The following ALKAL1 variants were observed in gnomAD, a reference collection of about 807,000 sequenced individuals.
ALKAL1 encodes the protein AUG-beta.
ALKAL1 carries 23 observed loss-of-function variants against 13.5 expected under a neutral mutation model. That is an observed-to-expected ratio of 1.70 (90% confidence interval 1.23 to 2.41). ALKAL1 has a LOEUF of 2.41. Ranked by LOEUF, ALKAL1 falls within the 30% of genes most tolerant of loss-of-function variation. The pLI is 0.00. For missense variants in ALKAL1, 181 were observed against 178.4 expected, an observed-to-expected ratio of 1.01 and a Z score of -0.08; for synonymous variants, 85 against 77.7, an observed-to-expected ratio of 1.09 and a Z score of -0.49.
intron 1 of ALKAL1, among the ~76,000 whole-genome samples, chr8:52,546,013 T>C (rs1847365011): frequency 1.3e-5 from 2 of 152,228 alleles, no homozygotes; most frequent in African/African-American, 2.4e-5. Context: ...CTGAATACTG[T>C]AGGTAGCTGT....
At chr8:52,540,946 C>T (rs1398140245) in intron 2 of ALKAL1, among the ~76,000 whole-genome samples, 1 of 152,138 alleles carries the variant, frequency 6.6e-6, no homozygotes, top group Non-Finnish European at 1.5e-5. Flanking sequence ...TTGGACTTGA[C>T]TAAGTGGGCA....
At chr8:52,552,408 C>T (rs1847438800) in intron 1 of ALKAL1, among the ~76,000 whole-genome samples, 1 of 152,192 alleles carries the variant, frequency 6.6e-6, no homozygotes, top group African/African-American at 2.4e-5. Flanking sequence ...TTCCCCACCC[C>T]AGTCCCCCAG....
chr8:52,562,181 G>A (rs1216576396), intron 1 of ALKAL1, among the ~76,000 whole-genome samples: 1 of 152,160 alleles, frequency 6.6e-6, no homozygotes, highest in Admixed American at 6.5e-5. Flanking sequence ...GAAGGTTACT[G>A]GGAATTCTTA....
intron 1 of ALKAL1, among the ~76,000 whole-genome samples, chr8:52,561,804 C>G (rs1004595190): frequency 6.6e-6 from 1 of 152,114 alleles, no homozygotes; most frequent in African/African-American, 2.4e-5. Context: ...CAACAGCAAG[C>G]ACAACAACAC....
chr8:52,558,795 G>A (rs1847510471), intron 1 of ALKAL1, among the ~76,000 whole-genome samples: 1 of 152,110 alleles, frequency 6.6e-6, no homozygotes, highest in Non-Finnish European at 1.5e-5. Flanking sequence ...GTAGTGCTTT[G>A]TCATAGTCCG....
At chr8:52,540,939 G>A (rs1158761852) in intron 2 of ALKAL1, among the ~76,000 whole-genome samples, 2 of 152,080 alleles carry the variant, frequency 1.3e-5, no homozygotes, top group Non-Finnish European at 2.9e-5. Flanking sequence ...AGGGCCCTTG[G>A]ACTTGACTAA....
At position 52,540,603 on chromosome 8, in the gene ALKAL1, C is replaced by T. The variant is rs528160912; in HGVS notation, c.245-692G>A. ...AAAATGAGCCAGGCATGGCGGCACA[C>T]GCCTGTAGTCCCACCTCAGTTACTC... On this transcript the variant is annotated intron_variant, in intron 2 of 4. Transcript: ENST00000358543. Among the ~76,000 whole-genome samples, 64 of 152,218 alleles carry T rather than the reference C, an allele frequency of 4.2e-4. 1 individual carries two copies. The highest frequency in any genetic ancestry group is 1.1e-3 in the African/African-American group (47 of 41,538).
chr8:52,542,260 T>A (rs1563320351), intron 2 of ALKAL1, 132 bp downstream of exon 2: 5 of 603,624 alleles, frequency 8.3e-6, no homozygotes, highest in Admixed American at 3.3e-5. Flanking sequence ...GTTAGTAGCA[T>A]CCGTCCATCT....
chr8:52,564,866 G>T (rs1270455354), intron 1 of ALKAL1, among the ~76,000 whole-genome samples: 1 of 152,188 alleles, frequency 6.6e-6, no homozygotes, highest in Non-Finnish European at 1.5e-5. Context: ...TTGCCAGCCG[G>T]ATTTCTTTAC....
chr8:52,545,868 G>T (rs1442672996), intron 1 of ALKAL1, among the ~76,000 whole-genome samples: 1 of 152,248 alleles, frequency 6.6e-6, no homozygotes, highest in East Asian at 1.9e-4. Context: ...TATGTTCTGA[G>T]AAATGCATCG....
At chr8:52,547,118 T>G (rs1306245364) in intron 1 of ALKAL1, among the ~76,000 whole-genome samples, 1 of 152,204 alleles carries the variant, frequency 6.6e-6, no homozygotes, top group African/African-American at 2.4e-5. Flanking sequence ...AATAAAAAAC[T>G]GATTGAAAAT....
At chr8:52,564,314 C>A (rs1185386871) in intron 1 of ALKAL1, among the ~76,000 whole-genome samples, 2 of 152,178 alleles carry the variant, frequency 1.3e-5, no homozygotes, top group African/African-American at 4.8e-5. Flanking sequence ...GCGTGTCCTG[C>A]CCTCCTCCCT....
At chr8:52,558,968 G>A (rs1009532583) in intron 1 of ALKAL1, among the ~76,000 whole-genome samples, 1 of 152,110 alleles carries the variant, frequency 6.6e-6, no homozygotes, top group African/African-American at 2.4e-5. Flanking sequence ...AAGGGGAGCC[G>A]CTGTGTGCAG....
intron 3 of ALKAL1, 29 bp from the exon 4 acceptor site, chr8:52,538,536 A>T: frequency 7.1e-7 from 1 of 1,413,694 alleles, no homozygotes. Context: ...GGTAAATTAT[A>T]TATAGAGTTA....
At position 52,534,388 on chromosome 8, in the gene ALKAL1, CTG is replaced by C; in HGVS notation, c.*223_*224del. The stretch of plus-strand genomic sequence containing the variant: ...TAATTTTCAATATGCGATTCAAACT[CTG>C]TTTTACAAAATTATAAATTACTGTA... On this transcript the variant is annotated 3_prime_UTR_variant, in exon 5 of 5. Transcript: ENST00000358543. 1 of 373,214 alleles carries C rather than the reference CTG, an allele frequency of 2.7e-6. No individual in the cohort carries two copies. The allele number at this position is 373,214 out of a possible 1,614,324, so 23.1% of individuals were successfully genotyped here.
chr8:52,539,839 G>A lies in ALKAL1; in HGVS notation c.317C>T (p.Thr106Met), dbSNP rs370015105. The A allele has an allele frequency of 2.0e-5, 32 of 1,609,090 alleles. No homozygotes were observed. Among genetic ancestry groups the A allele is most frequent in the South Asian group, 4.4e-5 (4 of 90,246 alleles). ...RLYYNTRECS[T>M]PAYYKRCARL... ...CCACCCAAGTTACTTACAAGCTGGCGTTGAGCACTCCCTGGTATTGTAATA... is the reference window on the plus strand; with the variant it reads ...CCACCCAAGTTACTTACAAGCTGGCATTGAGCACTCCCTGGTATTGTAATA... The change falls in exon 3 of 5, where the codon ACG becomes ATG. Residue 106 changes from threonine (T) to methionine (M), a missense_variant. Coordinates refer to ENST00000358543, the MANE Select transcript of ALKAL1 (RefSeq NM_207413.4).
At chr8:52,538,988 C>T (rs1847288559) in intron 3 of ALKAL1, among the ~76,000 whole-genome samples, 1 of 151,912 alleles carries the variant, frequency 6.6e-6, no homozygotes, top group Non-Finnish European at 1.5e-5. Context: ...GACAGGGTTT[C>T]ACCATGTTGC....
intron 1 of ALKAL1, among the ~76,000 whole-genome samples, chr8:52,542,979 C>T (rs1847329524): frequency 6.6e-6 from 1 of 152,204 alleles, no homozygotes. Flanking sequence ...CCCCTCTTCT[C>T]CTCCCCATAA....
At chr8:52,553,472 G>C (rs1249640276) in intron 1 of ALKAL1, among the ~76,000 whole-genome samples, 1 of 152,130 alleles carries the variant, frequency 6.6e-6, no homozygotes, top group Non-Finnish European at 1.5e-5. Flanking sequence ...GTACTCAACT[G>C]TGCCCTATGT....
Sources: allele counts gnomAD v4.1 joint callset (sites outside exome capture counted in the v4.1 genomes callset), GRCh38; gene constraint gnomAD v4.1.1; transcripts MANE v1.5; gene names NCBI Gene and HGNC (gene_info 2026-07-23, HGNC 2026-07-21).